The following TIAM2 variants were observed in gnomAD, a reference collection of about 807,000 sequenced individuals.
TIAM2 encodes rho guanine nucleotide exchange factor TIAM2.
Under a neutral mutation model 152.9 loss-of-function variants are expected in TIAM2, and 80 were observed. The observed-to-expected ratio is 0.52, with a 90% CI of 0.44 to 0.63. TIAM2 has a LOEUF of 0.63. TIAM2 is among the 30% of genes least tolerant of loss of function. TIAM2 has a pLI of 0.00. For missense variants in TIAM2, 1,965 were observed against 2,120.1 expected, an observed-to-expected ratio of 0.93 and a Z score of 1.44; for synonymous variants, 804 against 838.0, an observed-to-expected ratio of 0.96 and a Z score of 0.70.
At chr6:155,153,621 CTTTTTTTTT>C (rs35672714) in intron 7 of TIAM2, among the ~76,000 whole-genome samples, 4,072 of 105,308 alleles carry the variant, frequency 0.039, 85 homozygotes, top group Middle Eastern at 0.12. Flanking sequence ...GCTGTTTACG[CTTTTTTTTT>C]TTTTTTTTTT....
chr6:155,249,535 T>G (rs776869735), intron 20 of TIAM2, among the ~76,000 whole-genome samples: 10 of 152,224 alleles, frequency 6.6e-5, no homozygotes, highest in African/African-American at 9.6e-5. Context: ...AATGAGATGA[T>G]TCACAGAAAT....
chr6:155,047,806 A>AC (rs1777233169), intron 1 of TIAM2, among the ~76,000 whole-genome samples: 1 of 151,636 alleles, frequency 6.6e-6, no homozygotes, highest in South Asian at 2.1e-4. Flanking sequence ...TTCTCTCTTC[A>AC]CTTCGGGGAG....
intron 1 of TIAM2, among the ~76,000 whole-genome samples, chr6:155,005,692 G>C (rs1259600958): frequency 7.3e-6 from 1 of 137,206 alleles, no homozygotes; most frequent in Non-Finnish European, 1.5e-5. Context: ...TTTTGCTCTT[G>C]TTGCCTAGGC....
At chr6:155,061,928 C>T (rs1179023133) in intron 1 of TIAM2, among the ~76,000 whole-genome samples, 1 of 152,202 alleles carries the variant, frequency 6.6e-6, no homozygotes, top group Non-Finnish European at 1.5e-5. Context: ...CAGTGCTGTA[C>T]TGAACAGTTC....
chr6:155,137,645 G>A (rs1779587441), intron 5 of TIAM2, 33 bp downstream of exon 5: 1 of 1,522,218 alleles, frequency 6.6e-7, no homozygotes, highest in Admixed American at 2.1e-5. Context: ...AGGCCACTGG[G>A]GATTGTTTCC....
intron 1 of TIAM2, among the ~76,000 whole-genome samples, chr6:155,081,816 CT>C (rs1778068424): frequency 6.6e-6 from 1 of 152,158 alleles, no homozygotes. Context: ...TTTTTACCCC[CT>C]GACTTTCTCT....
chr6:155,007,674 G>A (rs557846918), intron 1 of TIAM2, among the ~76,000 whole-genome samples: 6 of 152,250 alleles, frequency 3.9e-5, no homozygotes, highest in Middle Eastern at 3.4e-3. Context: ...CATTTCCTGA[G>A]GGATACCAAC....
chr6:155,135,050 T>C (rs1335245377), intron 4 of TIAM2, among the ~76,000 whole-genome samples: 1 of 152,072 alleles, frequency 6.6e-6, no homozygotes, highest in Non-Finnish European at 1.5e-5. Flanking sequence ...AAAAAAACTC[T>C]AAGTATTTCT....
rs1157076482 is a variant in TIAM2 at position 155,129,768 on chromosome 6, AC to A, written c.549del (p.Ser184AlafsTer15). On this transcript the variant is annotated frameshift_variant, in exon 4 of 27. Coordinates refer to ENST00000682666, the MANE Select transcript of TIAM2 (RefSeq NM_012454.4). LOFTEE classifies it high-confidence loss of function. The surrounding 1 kb of genome is among the most constrained non-coding windows in gnomAD (Gnocchi z 4.8). ...CLRVEFHNGG[N>X]PSKVPAEDCS... ...AGGGTCGAGTTCCACAATGGTGGCA[AC>A]CCCAGCAAAGTGCCTGCAGAGGACT... The A allele has an allele frequency of 6.2e-7, 1 of 1,613,690 alleles. No individual in the cohort carries two copies. Among genetic ancestry groups the A allele is most frequent in the African/African-American group, 1.3e-5 (1 of 74,892 alleles).
At chr6:155,153,909 C>T (rs1390180277) in intron 7 of TIAM2, among the ~76,000 whole-genome samples, 1 of 152,102 alleles carries the variant, frequency 6.6e-6, no homozygotes, top group Non-Finnish European at 1.5e-5. Flanking sequence ...GGCGTGAAAC[C>T]ACTATACCTG....
At chr6:155,215,407 A>G (rs1289358110) in intron 15 of TIAM2, among the ~76,000 whole-genome samples, 1 of 152,224 alleles carries the variant, frequency 6.6e-6, no homozygotes, top group Non-Finnish European at 1.5e-5. Flanking sequence ...AACACAGAAG[A>G]AAAAATTTTA....
chr6:155,136,575 T>C (rs1405877452), intron 4 of TIAM2, among the ~76,000 whole-genome samples: 22 of 152,172 alleles, frequency 1.4e-4, no homozygotes. Flanking sequence ...CGCCATCTAT[T>C]ATTTTTACTA....
intron 9 of TIAM2, among the ~76,000 whole-genome samples, chr6:155,167,366 C>T (rs556335584): frequency 3.3e-5 from 5 of 152,156 alleles, no homozygotes; most frequent in African/African-American, 1.2e-4. Context: ...GGACTACAGG[C>T]TTGAGCCACC....
intron 22 of TIAM2, among the ~76,000 whole-genome samples, 160 bp downstream of exon 22, chr6:155,251,181 C>T (rs568925199): frequency 2.6e-5 from 4 of 152,362 alleles, no homozygotes; most frequent in African/African-American, 7.2e-5. Context: ...TTTGAAACTC[C>T]GGCATCGCTC....
intron 1 of TIAM2, among the ~76,000 whole-genome samples, chr6:155,059,282 C>CTG (rs200226916): frequency 0.072 from 10,442 of 144,032 alleles, 512 homozygotes; most frequent in Middle Eastern, 0.12. Flanking sequence ...ATGTCCCTTT[C>CTG]TGTGTGTGTG....
At chr6:155,016,498 GGTATTTACATTTAA>G (rs1778586601) in intron 1 of TIAM2, 1 of 56,340 alleles carries the variant, frequency 1.8e-5, no homozygotes, top group Non-Finnish European at 3.8e-5. Flanking sequence ...AAATGTAAAT[GGTATTTACATTTAA>G]ATGGTATTTA....
At chr6:155,204,843 A>T (rs1020187111) in intron 14 of TIAM2, among the ~76,000 whole-genome samples, 5 of 152,104 alleles carry the variant, frequency 3.3e-5, no homozygotes, top group Non-Finnish European at 7.4e-5. Flanking sequence ...CACACTGGGT[A>T]ATTTTAAAAC....
chr6:155,022,824 G>C (rs992275308), intron 1 of TIAM2, among the ~76,000 whole-genome samples: 2 of 152,208 alleles, frequency 1.3e-5, no homozygotes, highest in Non-Finnish European at 2.9e-5. Flanking sequence ...CTTAAATATA[G>C]GTTCGAGTTA....
rs1202604626 is a variant in TIAM2, at chr6:155,256,918, A to G, written c.4903A>G (p.Ile1635Val). ...PKLVRGHFCP[I>V]KRKANSTKRD... ...ACTGGTCCGGGGGCACTTCTGCCCC[A>G]TTAAACGAAAAGCCAACAGCACCAA... is the stretch of plus-strand genomic sequence containing the variant. The change falls in exon 27 of 27, where the codon ATT (isoleucine) becomes GTT (valine). Residue 1635 changes from isoleucine to valine, a missense_variant. By Grantham distance (29) the Ile-to-Val change is conservative. This residue lies in a region of TIAM2 where 935 missense variants were observed against 980.0 expected (regional missense o/e 0.95). Coordinates refer to ENST00000682666, the MANE Select transcript of TIAM2 (RefSeq NM_012454.4). 6.2e-7 allele frequency: 1 copy of G among 1,614,228 alleles called. No homozygotes were observed. The highest frequency in any genetic ancestry group is 1.7e-5 in the Admixed American group (1 of 60,034).
Sources: allele counts gnomAD v4.1 joint callset (sites outside exome capture counted in the v4.1 genomes callset), GRCh38; gene constraint gnomAD v4.1.1; regional missense constraint gnomAD v4.1.1; non-coding constraint Gnocchi (gnomAD v3.1); transcripts MANE v1.5; gene names NCBI Gene and HGNC (gene_info 2026-07-23, HGNC 2026-07-21).